Variants in DNAH7 observed in about 807,000 individuals in gnomAD.
DNAH7 encodes dynein axonemal heavy chain 7.
Under a neutral mutation model 444.6 loss-of-function variants are expected in DNAH7, and 397 were observed. That is an observed-to-expected ratio of 0.89 (90% confidence interval 0.82 to 0.97). The LOEUF is 0.97. Ranked by LOEUF, DNAH7 falls within the 50% of genes least tolerant of loss-of-function variation. The pLI is 0.00. For synonymous variants in DNAH7, 1,636 were observed against 1,624.4 expected, an observed-to-expected ratio of 1.01 and a Z score of -0.17; for missense variants, 4,902 against 4,800.8, an observed-to-expected ratio of 1.02 and a Z score of -0.62.
At chr2:195,794,767 T>C (rs991505701) in intron 56 of DNAH7, among the ~76,000 whole-genome samples, 1 of 152,232 alleles carries the variant, frequency 6.6e-6, no homozygotes, top group East Asian at 1.9e-4. Flanking sequence ...CATTAATTCA[T>C]ATGATTATAA....
chr2:195,906,733 C>G lies in DNAH7; in HGVS notation c.4261G>C (p.Asp1421His). 3 of 1,613,468 alleles carry G rather than the reference C, an allele frequency of 1.9e-6. No homozygotes were observed. The highest frequency in any genetic ancestry group is 2.2e-5 in the South Asian group (2 of 91,038). Reference sequence around the variant, plus strand: ...GTTATAAAGACAGCACATGTGGGGTCAAGTTTTAGTTCAGTTCCTTCAAAC... The same window carrying G: ...GTTATAAAGACAGCACATGTGGGGTGAAGTTTTAGTTCAGTTCCTTCAAAC... Reference protein sequence around the residue: ...LMFEGTELKLDPTCAVFITMN... With the variant: ...LMFEGTELKLHPTCAVFITMN... The change falls in exon 27 of 65, where the codon GAC becomes CAC. Residue 1421 changes from aspartate to histidine, a missense_variant. By Grantham distance (81) the Asp-to-His change is moderately conservative. Coordinates refer to ENST00000312428, the MANE Select transcript of DNAH7 (RefSeq NM_018897.3).
At chr2:195,949,089 T>G (rs1027126405) in intron 19 of DNAH7, among the ~76,000 whole-genome samples, 1 of 152,062 alleles carries the variant, frequency 6.6e-6, no homozygotes, top group Admixed American at 6.6e-5. Context: ...ATTTGGCTGT[T>G]TGTCTATTAT....
intron 10 of DNAH7, among the ~76,000 whole-genome samples, chr2:196,012,522 G>A (rs939776704): frequency 2.0e-5 from 3 of 152,018 alleles, no homozygotes; most frequent in African/African-American, 7.2e-5. Context: ...ATGGTATTCA[G>A]CACCCCTCTC....
chr2:195,976,167 T>TGTTA, intron 15 of DNAH7, among the ~76,000 whole-genome samples: 1 of 152,116 alleles, frequency 6.6e-6, no homozygotes, highest in South Asian at 2.1e-4. Flanking sequence ...GAGGAATTTC[T>TGTTA]GGACCTATCT....
At chr2:195,868,650 T>C (rs928360202) in intron 40 of DNAH7, among the ~76,000 whole-genome samples, 2 of 150,718 alleles carry the variant, frequency 1.3e-5, no homozygotes, top group South Asian at 2.1e-4. Context: ...ATTCTATATA[T>C]TGTCTTTTCA....
intron 63 of DNAH7, among the ~76,000 whole-genome samples, chr2:195,744,565 G>A (rs536705656): frequency 6.6e-6 from 1 of 152,240 alleles, no homozygotes; most frequent in East Asian, 1.9e-4. Flanking sequence ...GTGGGTCCCT[G>A]ACCCCTCACC....
At chr2:195,846,508 T>C (rs566055027) in intron 46 of DNAH7, among the ~76,000 whole-genome samples, 2 of 152,200 alleles carry the variant, frequency 1.3e-5, no homozygotes, top group African/African-American at 4.8e-5. Flanking sequence ...ACTGTGTATA[T>C]GCCCAAAGAA....
chr2:195,807,829 A>G (rs1464049600), intron 53 of DNAH7, among the ~76,000 whole-genome samples: 1 of 152,266 alleles, frequency 6.6e-6, no homozygotes, highest in Non-Finnish European at 1.5e-5. Flanking sequence ...CTCACAACAC[A>G]TACTTGTCTC....
At chr2:195,865,686 A>C (rs1347131722) in intron 40 of DNAH7, among the ~76,000 whole-genome samples, 2 of 152,204 alleles carry the variant, frequency 1.3e-5, no homozygotes, top group Non-Finnish European at 2.9e-5. Context: ...CCAGGGGTAC[A>C]GTCTATTTTG....
intron 10 of DNAH7, among the ~76,000 whole-genome samples, chr2:196,005,298 ACAAACAAAAATAT>A (rs1694301237): frequency 6.7e-6 from 1 of 148,628 alleles, no homozygotes; most frequent in Non-Finnish European, 1.5e-5. Flanking sequence ...AAACAAACAA[ACAAACAAAAATAT>A]ATATATATAT....
At chr2:195,758,869 C>T (rs1694209359) in intron 61 of DNAH7, among the ~76,000 whole-genome samples, 1 of 152,236 alleles carries the variant, frequency 6.6e-6, no homozygotes, top group Non-Finnish European at 1.5e-5. Flanking sequence ...GGGAAGCACA[C>T]ATCCCAGCAG....
rs1324555974 is a variant in DNAH7 at position 195,841,241 on chromosome 2, T to A, written c.8945+3761A>T. Among the ~76,000 whole-genome samples, 3 of 151,240 alleles carry A rather than the reference T, an allele frequency of 2.0e-5. No homozygotes were observed. The East Asian group carries it at 5.8e-4, about 29-fold the overall frequency. ...CTCTCTTTCTCTTTCTCTCTCTCTG[T>A]CTCTCTCTCTCCTCTCTCCCCTCAC... is the stretch of plus-strand genomic sequence containing the variant. On this transcript the variant is annotated intron_variant, in intron 47 of 64. Coordinates refer to ENST00000312428, the MANE Select transcript of DNAH7 (RefSeq NM_018897.3).
At chr2:195,969,084 G>A (rs1353635930) in intron 17 of DNAH7, among the ~76,000 whole-genome samples, 1 of 152,254 alleles carries the variant, frequency 6.6e-6, no homozygotes, top group African/African-American at 2.4e-5. Flanking sequence ...GTTAAAACCA[G>A]GTAACGTGAT....
intron 17 of DNAH7, among the ~76,000 whole-genome samples, chr2:195,963,891 G>A (rs553369317): frequency 2.8e-4 from 42 of 152,156 alleles, no homozygotes; most frequent in African/African-American, 9.9e-4. Context: ...TATGTCCTTG[G>A]CACTTTTCTC....
chr2:196,029,312 A>C (rs1243539156), intron 5 of DNAH7, among the ~76,000 whole-genome samples: 1 of 151,910 alleles, frequency 6.6e-6, no homozygotes, highest in African/African-American at 2.4e-5. Flanking sequence ...TACCTTGCTG[A>C]ATTCTAAGAA....
At position 196,027,977 on chromosome 2, in the gene DNAH7, T is replaced by C. The variant is rs201242160; in HGVS notation, c.469A>G (p.Ile157Val). The C allele has an allele frequency of 7.2e-4, 1,161 of 1,612,502 alleles. 3 individuals carry two copies. The highest frequency in any genetic ancestry group is 4.6e-4 in the Non-Finnish European group (537 of 1,179,030). ...CCAGTTACCAAGATGTCTTTCTCTATAGCAGAAGCGGTCGGTTTTGGAATT... is the reference window on the plus strand; with the variant it reads ...CCAGTTACCAAGATGTCTTTCTCTACAGCAGAAGCGGTCGGTTTTGGAATT... ...STIPKPTASAIEKDILRYYYY... is the reference protein window; with the variant it reads ...STIPKPTASAVEKDILRYYYY... Residue 157 changes from isoleucine to valine, a missense_variant, in exon 6 of 65, where the codon ATA becomes GTA. Transcript: ENST00000312428.
At chr2:195,752,017 T>C (rs747444361) in intron 63 of DNAH7, among the ~76,000 whole-genome samples, 32 of 152,104 alleles carry the variant, frequency 2.1e-4, no homozygotes, top group Non-Finnish European at 4.6e-4. Flanking sequence ...ACGCCTGTAA[T>C]CCCAGCACTT....
In DNAH7 at chr2:195,799,301, C is replaced by T; in HGVS notation, c.10348G>A (p.Asp3450Asn). ...PMAALLKFAD[D>N]QGYGGSKLSS... ...CTTCATCTATTGTAAGGTACCTGGT[C>T]ATCAGCAAATTTTAGAAGGGCAGCC... is the stretch of plus-strand genomic sequence containing the variant. Residue 3450 changes from aspartate to asparagine, a missense_variant, in exon 55 of 65, where the codon GAC becomes AAC. Coordinates refer to ENST00000312428, the MANE Select transcript of DNAH7 (RefSeq NM_018897.3). 7 of 1,580,344 alleles carry T rather than the reference C, an allele frequency of 4.4e-6. No homozygotes were observed. The highest frequency in any genetic ancestry group is 6.0e-6 in the Non-Finnish European group (7 of 1,164,506).
At chr2:195,763,499 G>C (rs1231984838) in intron 61 of DNAH7, among the ~76,000 whole-genome samples, 1 of 151,734 alleles carries the variant, frequency 6.6e-6, no homozygotes, top group Non-Finnish European at 1.5e-5. Flanking sequence ...GAAAATAAAA[G>C]AGAGAAGACC....
Sources: allele counts gnomAD v4.1 joint callset (sites outside exome capture counted in the v4.1 genomes callset), GRCh38; gene constraint gnomAD v4.1.1; transcripts MANE v1.5; gene names NCBI Gene and HGNC (gene_info 2026-07-23, HGNC 2026-07-21).